ATRNL1: variants seen among roughly 807,000 people sequenced by gnomAD.
The protein encoded by ATRNL1 is attractin-like protein 1.
Under a neutral mutation model 182.7 loss-of-function variants are expected in ATRNL1, and 95 were observed. The ratio of observed to expected loss-of-function variants is 0.52; its 90% CI spans 0.44 to 0.62. The LOEUF is 0.62. Ranked by LOEUF, ATRNL1 falls within the 20% of genes least tolerant of loss-of-function variation. The probability of loss-of-function intolerance (pLI) is 0.00; values close to 1 mark genes in which losing one functional copy is unlikely to be tolerated. For synonymous variants in ATRNL1, 576 were observed against 568.3 expected (o/e 1.01, Z -0.19); for missense variants, 1,471 against 1,679.5 (o/e 0.88, Z 2.17).
chr10:115,482,997 TG>T (rs1848841872), intron 24 of ATRNL1, among the ~76,000 whole-genome samples: 2 of 151,380 alleles, frequency 1.3e-5, no homozygotes, highest in Non-Finnish European at 3.0e-5. Flanking sequence ...ATATTTTATT[TG>T]TTAAGTAAAT....
rs879985040 is a variant in ATRNL1, at chr10:115,854,326, T to C, written c.4018+6335T>C. Among the ~76,000 whole-genome samples the C allele has an allele frequency of 9.2e-5, 14 of 152,310 alleles. 2 individuals are homozygous for C. Among genetic ancestry groups the C allele is most frequent in the Admixed American group, 9.2e-4 (14 of 15,290 alleles). On this transcript the variant is annotated intron_variant, in intron 28 of 28. Transcript: ENST00000355044. ...TCCCCCACTTCACCTCCCCACCTTC[T>C]GGAAACCTTCCCCTCCTCTGTTGTT... is the stretch of plus-strand genomic sequence containing the variant.
chr10:115,665,608 C>T (rs1555039455), intron 26 of ATRNL1, among the ~76,000 whole-genome samples: 2 of 152,154 alleles, frequency 1.3e-5, no homozygotes, highest in Admixed American at 1.3e-4. Context: ...CAATTTAAAT[C>T]TGTTGCTATC....
chr10:115,829,048 T>TTTTCAG (rs1344344917), intron 27 of ATRNL1, among the ~76,000 whole-genome samples: 1 of 139,392 alleles, frequency 7.2e-6, no homozygotes, highest in African/African-American at 3.4e-5. Context: ...ATCACCCTTT[T>TTTTCAG]TTTCAGTTTT....
At chr10:115,561,679 G>A (rs1554999651) in intron 26 of ATRNL1, among the ~76,000 whole-genome samples, 1 of 99,802 alleles carries the variant, frequency 1.0e-5, no homozygotes, top group Non-Finnish European at 2.0e-5. Flanking sequence ...CTGTGTGTGT[G>A]TGTGTGTGTG....
chr10:115,682,914 G>T (rs1297635920), intron 26 of ATRNL1, among the ~76,000 whole-genome samples: 2 of 152,090 alleles, frequency 1.3e-5, no homozygotes, highest in Non-Finnish European at 2.9e-5. Context: ...GAGATTACTT[G>T]GATTTGAATT....
Position 115,408,413 on chromosome 10 carries a change from A to G in ATRNL1, c.3269+13661A>G, listed in dbSNP as rs1301856704. Among the ~76,000 whole-genome samples the G allele has an allele frequency of 2.6e-5, 4 of 152,126 alleles. No individual in the cohort carries two copies. In the East Asian group the frequency reaches 5.8e-4, roughly 22 times the overall value. On this transcript the variant is annotated intron_variant, in intron 20 of 28. Transcript: ENST00000355044. The stretch of plus-strand genomic sequence containing the variant: ...TCTGTTCAGATTATTTGCCCATTTT[A>G]CAATTAGATCGTTTGTTTTCTTGCT...
At chr10:115,493,906 A>G (rs1199002593) in intron 24 of ATRNL1, among the ~76,000 whole-genome samples, 5 of 152,034 alleles carry the variant, frequency 3.3e-5, no homozygotes, top group African/African-American at 9.7e-5. Context: ...GGCCACATGT[A>G]TATCTTCTTT....
At chr10:115,501,226 G>A (rs112074542) in intron 24 of ATRNL1, among the ~76,000 whole-genome samples, 14 of 152,174 alleles carry the variant, frequency 9.2e-5, no homozygotes, top group Admixed American at 2.6e-4. Flanking sequence ...GAGCCACTGC[G>A]TCTGGCCCAG....
At chr10:115,322,750 TA>T (rs782146457) in intron 18 of ATRNL1, among the ~76,000 whole-genome samples, 20 of 152,272 alleles carry the variant, frequency 1.3e-4, no homozygotes, top group South Asian at 4.1e-4. Context: ...TTTCTAAAGG[TA>T]GATTTGCTTG....
intron 24 of ATRNL1, among the ~76,000 whole-genome samples, chr10:115,516,141 T>C (rs1850626015): frequency 6.6e-6 from 1 of 151,936 alleles, no homozygotes; most frequent in Non-Finnish European, 1.5e-5. Flanking sequence ...CTCTTGAACA[T>C]TTAATAGGTA....
At chr10:115,701,292 G>A (rs1192981188) in intron 26 of ATRNL1, among the ~76,000 whole-genome samples, 6 of 151,868 alleles carry the variant, frequency 4.0e-5, no homozygotes, top group Admixed American at 6.6e-5. Context: ...AAAATTTCTG[G>A]GATGCAGCAA....
chr10:115,721,641 C>T (rs1442557632), intron 26 of ATRNL1, among the ~76,000 whole-genome samples: 1 of 152,132 alleles, frequency 6.6e-6, no homozygotes, highest in Admixed American at 6.6e-5. Context: ...ACGGGAAAGA[C>T]CAGCCCCCAT....
chr10:115,255,281 T>TC (rs781871081), intron 10 of ATRNL1, among the ~76,000 whole-genome samples: 2 of 152,202 alleles, frequency 1.3e-5, no homozygotes, highest in Non-Finnish European at 2.9e-5. Flanking sequence ...GGAATATTCT[T>TC]CCATTTGTTT....
chr10:115,817,742 A>G (rs1408456806), intron 27 of ATRNL1, among the ~76,000 whole-genome samples: 1 of 150,632 alleles, frequency 6.6e-6, no homozygotes, highest in Non-Finnish European at 1.5e-5. Context: ...TTAAATGCCT[A>G]TGCTAACTGG....
chr10:115,550,973 T>C (rs1852953469), intron 26 of ATRNL1, among the ~76,000 whole-genome samples: 1 of 151,728 alleles, frequency 6.6e-6, no homozygotes, highest in Admixed American at 6.6e-5. Flanking sequence ...TCTATGTAAA[T>C]ATAGCATTGT....
At chr10:115,902,661 C>A (rs1952390928) in intron 28 of ATRNL1, among the ~76,000 whole-genome samples, 3 of 152,184 alleles carry the variant, frequency 2.0e-5, no homozygotes, top group Admixed American at 2.0e-4. Context: ...AATGTGTTTT[C>A]CCCCTATGCT....
intron 26 of ATRNL1, among the ~76,000 whole-genome samples, chr10:115,619,302 T>C (rs550661913): frequency 9.9e-5 from 15 of 152,252 alleles, no homozygotes; most frequent in South Asian, 6.2e-4. Flanking sequence ...CATGGGGCCA[T>C]AGAGGGCACA....
At chr10:115,472,871 C>T (rs1405648330) in intron 24 of ATRNL1, among the ~76,000 whole-genome samples, 1 of 150,968 alleles carries the variant, frequency 6.6e-6, no homozygotes, top group Non-Finnish European at 1.5e-5. Context: ...GACTACCAGT[C>T]CTATGTTGAA....
chr10:115,822,998 A>T (rs1459700735), intron 27 of ATRNL1, among the ~76,000 whole-genome samples: 2 of 152,198 alleles, frequency 1.3e-5, no homozygotes, highest in Non-Finnish European at 2.9e-5. Context: ...TTTCAGTCTA[A>T]TATCCCTGAT....
Sources: allele counts gnomAD v4.1 joint callset (sites outside exome capture counted in the v4.1 genomes callset), GRCh38; gene constraint gnomAD v4.1.1; transcripts MANE v1.5; gene names NCBI Gene and HGNC (gene_info 2026-07-23, HGNC 2026-07-21).